Variants in SDK1 observed in about 807,000 individuals in gnomAD.
SDK1 encodes protein sidekick-1.
A neutral mutation model predicts 245.5 loss-of-function variants in SDK1; 157 were observed. The observed-to-expected ratio is 0.64, with a 90% CI of 0.56 to 0.73. The LOEUF (loss-of-function observed/expected upper bound fraction) is 0.73, where lower values mean the gene tolerates loss of function less well. Among genes scored for constraint, SDK1 ranks in the 30% least tolerant of loss-of-function variants. The probability of loss-of-function intolerance (pLI) is 0.00; values close to 1 mark genes in which losing one functional copy is unlikely to be tolerated. For missense variants in SDK1, 3,583 were observed against 3,002.3 expected, an observed-to-expected ratio of 1.19 and a Z score of -4.52; for synonymous variants, 1,647 against 1,278.5, an observed-to-expected ratio of 1.29 and a Z score of -6.15.
intron 5 of SDK1, among the ~76,000 whole-genome samples, chr7:3,895,873 A>C (rs550563597): frequency 6.6e-6 from 1 of 152,242 alleles, no homozygotes; most frequent in East Asian, 1.9e-4. Context: ...GTTAAGTTCT[A>C]ACTCTTTGGC....
chr7:3,312,481 T>A (rs994203545), intron 1 of SDK1, among the ~76,000 whole-genome samples: 24 of 151,938 alleles, frequency 1.6e-4, no homozygotes, highest in African/African-American at 4.8e-4. Context: ...GGTAAGATCA[T>A]AATGAAAGAG....
chr7:3,405,745 A>G (rs1292803254), intron 1 of SDK1, among the ~76,000 whole-genome samples: 1 of 150,136 alleles, frequency 6.7e-6, no homozygotes, highest in African/African-American at 2.5e-5. Flanking sequence ...AGTCATCTTG[A>G]TTGTACTTAG....
Position 4,250,581 on chromosome 7 carries a change from G to A in SDK1, c.6381+4776G>A, listed in dbSNP as rs1787231986. Among the ~76,000 whole-genome samples the A allele has an allele frequency of 2.0e-5, 3 of 152,140 alleles. No individual in the cohort carries two copies. In the South Asian group the frequency reaches 6.2e-4, roughly 32 times the overall value. On this transcript the variant is annotated intron_variant, in intron 44 of 44. Coordinates refer to ENST00000404826, the MANE Select transcript of SDK1 (RefSeq NM_152744.4). ...GCTGGTCTCGAACTCCTGACCTCAA[G>A]TGATCCGCCCACCTCGGCCTCCCAA...
chr7:3,417,006 C>G (rs1003664286), intron 1 of SDK1, among the ~76,000 whole-genome samples: 60 of 151,976 alleles, frequency 3.9e-4, no homozygotes, highest in African/African-American at 1.4e-3. Context: ...AACACTGTCT[C>G]TACTAAAAAA....
chr7:4,241,833 C>T lies in SDK1; in HGVS notation c.6171C>T (p.Asp2057=). 1 of 1,614,186 alleles carries T rather than the reference C, an allele frequency of 6.2e-7. No homozygotes were observed. The highest frequency in any genetic ancestry group is 8.5e-7 in the Non-Finnish European group (1 of 1,180,044). ...CCATGGAGGAGTCTGTGACCCTGGA[C>T]AACGGAGGATTTGCTGCCCTGGAGC... is the stretch of plus-strand genomic sequence containing the variant. ...ISTMEESVTL[D]NGGFAALELS... is the part of the protein sequence containing the mutation. Residue 2057 remains aspartate (D), a synonymous_variant, in exon 43 of 45, where the codon GAC becomes GAT. Transcript: ENST00000404826.
chr7:3,857,616 G>C (rs916500532), intron 5 of SDK1, among the ~76,000 whole-genome samples: 1 of 151,836 alleles, frequency 6.6e-6, no homozygotes, highest in South Asian at 2.1e-4. Flanking sequence ...GAGGCCAGAA[G>C]GTCAAGGCTG....
chr7:3,906,900 G>A (rs1343130774), intron 5 of SDK1, among the ~76,000 whole-genome samples: 2 of 152,036 alleles, frequency 1.3e-5, no homozygotes, highest in Admixed American at 6.6e-5. Context: ...GAAGTGCTGG[G>A]ATGGCAGGCA....
chr7:3,365,534 C>T (rs1194292563), intron 1 of SDK1, among the ~76,000 whole-genome samples: 1 of 152,194 alleles, frequency 6.6e-6, no homozygotes, highest in African/African-American at 2.4e-5. Flanking sequence ...TTTTCTCTTA[C>T]ACTGAAAATA....
chr7:3,586,874 C>G (rs528287688), intron 1 of SDK1, among the ~76,000 whole-genome samples: 1 of 152,234 alleles, frequency 6.6e-6, no homozygotes, highest in African/African-American at 2.4e-5. Flanking sequence ...AGGGAGGTGA[C>G]ATGTGCTGGA....
intron 38 of SDK1, among the ~76,000 whole-genome samples, chr7:4,212,834 TA>T (rs1455809715): frequency 6.6e-6 from 1 of 152,238 alleles, no homozygotes; most frequent in Non-Finnish European, 1.5e-5. Context: ...GAGTCCTTCC[TA>T]ATCAAAGGCA....
At chr7:3,562,068 C>G (rs1779767113) in intron 1 of SDK1, among the ~76,000 whole-genome samples, 1 of 152,160 alleles carries the variant, frequency 6.6e-6, no homozygotes, top group Non-Finnish European at 1.5e-5. Flanking sequence ...CATAGTTGAT[C>G]TGGGACAGAA....
At chr7:3,538,419 C>T (rs559562656) in intron 1 of SDK1, among the ~76,000 whole-genome samples, 1 of 151,976 alleles carries the variant, frequency 6.6e-6, no homozygotes, top group African/African-American at 2.4e-5. Flanking sequence ...TTAATTTTGC[C>T]TTTTAATGTA....
intron 4 of SDK1, among the ~76,000 whole-genome samples, chr7:3,766,807 A>G (rs540057025): frequency 1.3e-5 from 2 of 152,196 alleles, no homozygotes; most frequent in African/African-American, 2.4e-5. Flanking sequence ...CAACAAGTAT[A>G]TATGGACTAT....
Position 3,480,602 on chromosome 7 carries a change from G to C in SDK1, c.299-138478G>C, listed in dbSNP as rs187548301. On this transcript the variant is annotated intron_variant, in intron 1 of 44. Coordinates refer to ENST00000404826, the MANE Select transcript of SDK1 (RefSeq NM_152744.4). ...GCTTTGTCTCAAGACAGCTCATGTGGACTTCTCATTTTTTCCTTTTAAAAG... is the reference window on the plus strand; with the variant it reads ...GCTTTGTCTCAAGACAGCTCATGTGCACTTCTCATTTTTTCCTTTTAAAAG... Among the ~76,000 whole-genome samples, 632 of 152,330 alleles carry C rather than the reference G, an allele frequency of 4.1e-3. 19 individuals are homozygous for C. Among genetic ancestry groups the C allele is most frequent in the Admixed American group, 0.039 (591 of 15,306 alleles).
intron 1 of SDK1, among the ~76,000 whole-genome samples, chr7:3,438,707 C>A (rs1237183469): frequency 6.6e-6 from 1 of 152,116 alleles, no homozygotes; most frequent in Non-Finnish European, 1.5e-5. Context: ...TTCTTTCTTT[C>A]CTCAGTAAAC....
chr7:3,781,698 A>C (rs1780749776), intron 4 of SDK1, among the ~76,000 whole-genome samples: 1 of 152,196 alleles, frequency 6.6e-6, no homozygotes, highest in Admixed American at 6.5e-5. Flanking sequence ...TACACAAAGA[A>C]AGCAAGAAAT....
chr7:3,971,533 C>G lies in SDK1; in HGVS notation c.1782C>G (p.His594Gln), dbSNP rs770661812. The change falls in exon 12 of 45, where the codon CAC (histidine) becomes CAG (glutamine). Residue 594 changes from histidine (H) to glutamine (Q), a missense_variant. Physicochemically the swap from His to Gln is conservative, Grantham distance 24 (BLOSUM62 0). Coordinates refer to ENST00000404826, the MANE Select transcript of SDK1 (RefSeq NM_152744.4). ...TTAAGGGGACCACGGCCACGCTGCA[C>G]TGTGGTGCCACACATGACCCCCGGG... ...VVIKGTTATL[H>Q]CGATHDPRVS... 1.2e-6 allele frequency: 2 copies of G among 1,613,646 alleles called. No individual in the cohort carries two copies. Among genetic ancestry groups the G allele is most frequent in the East Asian group, 2.2e-5 (1 of 44,878 alleles).
intron 28 of SDK1, among the ~76,000 whole-genome samples, chr7:4,139,625 GTATATGTA>G (rs1437083365): frequency 3.8e-5 from 2 of 52,714 alleles, no homozygotes; most frequent in African/African-American, 1.3e-4. Flanking sequence ...ATGTGTGTGT[GTATATGTA>G]TATATGTGTG....
At chr7:3,600,178 AGTGATTGTAAATG>A (rs1781209738) in intron 1 of SDK1, among the ~76,000 whole-genome samples, 2 of 152,116 alleles carry the variant, frequency 1.3e-5, no homozygotes, top group South Asian at 4.1e-4. Context: ...TTCTCTTTGG[AGTGATTGTAAATG>A]GTATTATGTG....
Sources: allele counts gnomAD v4.1 joint callset (sites outside exome capture counted in the v4.1 genomes callset), GRCh38; gene constraint gnomAD v4.1.1; transcripts MANE v1.5; gene names NCBI Gene and HGNC (gene_info 2026-07-23, HGNC 2026-07-21).